The following PRKAR1A variants were observed in gnomAD, a reference collection of about 807,000 sequenced individuals.
PRKAR1A encodes protein kinase cAMP-dependent type I regulatory subunit alpha.
Under a neutral mutation model 52.0 loss-of-function variants are expected in PRKAR1A, and 3 were observed. The observed-to-expected ratio is 0.06, with a 90% CI of 0.03 to 0.15. The LOEUF is 0.15. Among genes scored for constraint, PRKAR1A ranks in the 10% least tolerant of loss-of-function variants. The pLI is 1.00. For missense variants in PRKAR1A, 240 were observed against 477.4 expected, an observed-to-expected ratio of 0.50 and a Z score of 4.63; for synonymous variants, 188 against 168.4, an observed-to-expected ratio of 1.12 and a Z score of -0.90.
chr17:68,439,778 C>T, the PRKAR1A span, among the ~76,000 whole-genome samples: 1 of 152,142 alleles, frequency 6.6e-6, no homozygotes, highest in Non-Finnish European at 1.5e-5. Flanking sequence ...CTCTTTCAGG[C>T]CTGTTTCCTG....
intron 8 of PRKAR1A, chr17:68,528,656 G>C (rs1366392944): frequency 1.7e-6 from 1 of 600,056 alleles, no homozygotes; most frequent in African/African-American, 1.9e-5. Flanking sequence ...CTAGCCACTG[G>C]GCTACCGAAG....
At chr17:68,418,056 GC>G in the PRKAR1A span, among the ~76,000 whole-genome samples, 11 of 151,976 alleles carry the variant, frequency 7.2e-5, no homozygotes, top group Non-Finnish European at 1.5e-4. Flanking sequence ...AGTTTGTTCA[GC>G]TTTTTACTTG....
At chr17:68,450,842 C>T in the PRKAR1A span, 39 of 1,614,050 alleles carry the variant, frequency 2.4e-5, no homozygotes, top group African/African-American at 1.1e-4. Flanking sequence ...GACTGACTAC[C>T]ACCACCAGGC....
the PRKAR1A span, chr17:68,451,030 T>C: frequency 1.6e-6 from 2 of 1,258,308 alleles, no homozygotes; most frequent in Non-Finnish European, 1.1e-6. Context: ...GCGCCCTCTC[T>C]GAGCTTGCAT....
the PRKAR1A span, among the ~76,000 whole-genome samples, chr17:68,443,565 T>C: frequency 1.1e-3 from 149 of 139,772 alleles, 4 homozygotes; most frequent in South Asian, 0.032. Flanking sequence ...TTCACAAACA[T>C]TACCTTGTTT....
chr17:68,526,404 TAGTC>T (rs901874260), intron 7 of PRKAR1A, among the ~76,000 whole-genome samples: 20 of 152,368 alleles, frequency 1.3e-4, no homozygotes, highest in African/African-American at 4.3e-4. Context: ...TTTCTGGTGA[TAGTC>T]AGATTTTTTG....
chr17:68,451,029 CTGAGCT>C, the PRKAR1A span: 1 of 1,288,418 alleles, frequency 7.8e-7, no homozygotes, highest in Non-Finnish European at 1.0e-6. Context: ...GGCGCCCTCT[CTGAGCT>C]TGCATTGACA....
the PRKAR1A span, among the ~76,000 whole-genome samples, chr17:68,475,233 T>G: frequency 1.3e-5 from 2 of 152,214 alleles, no homozygotes; most frequent in African/African-American, 2.4e-5. Flanking sequence ...AATATTATAC[T>G]TGTTGTGGAA....
chr17:68,471,955 C>T, the PRKAR1A span, among the ~76,000 whole-genome samples: 602 of 152,286 alleles, frequency 4.0e-3, 8 homozygotes, highest in African/African-American at 0.014. Context: ...CACCCGCCAC[C>T]ACGCCTGGCT....
At chr17:68,424,285 C>T in the PRKAR1A span, among the ~76,000 whole-genome samples, 390 of 152,294 alleles carry the variant, frequency 2.6e-3, 2 homozygotes, top group African/African-American at 8.9e-3. Flanking sequence ...TAAAAGCTCA[C>T]GCTGCGACCG....
the PRKAR1A span, chr17:68,433,412 G>A: frequency 6.8e-7 from 1 of 1,470,322 alleles, no homozygotes; most frequent in Admixed American, 1.7e-5. Flanking sequence ...CAGTAGAAGA[G>A]CCTAGGCCTG....
downstream of PRKAR1A, chr17:68,537,488 A>C (rs149451535): frequency 3.7e-6 from 6 of 1,614,056 alleles, no homozygotes; most frequent in Admixed American, 1.7e-5. This position sits in a 1 kb window ranked among gnomAD's most constrained non-coding sequence, Gnocchi z 4.2. Flanking sequence ...TAGCTTGTCA[A>C]GTTAGCCTGG....
At chr17:68,422,155 C>A in the PRKAR1A span, 1 of 232,406 alleles carries the variant, frequency 4.3e-6, no homozygotes, top group Non-Finnish European at 8.8e-6. Context: ...AGGCTGGGCG[C>A]GGTGGCTCAC....
chr17:68,487,675 C>T, the PRKAR1A span, among the ~76,000 whole-genome samples: 1 of 151,884 alleles, frequency 6.6e-6, no homozygotes, highest in Non-Finnish European at 1.5e-5. Context: ...GTGGTGGGCA[C>T]CTGTAATCCC....
chr17:68,546,727 G>C (rs1476776672), intron 11 of PRKAR1A, among the ~76,000 whole-genome samples: 2 of 151,842 alleles, frequency 1.3e-5, no homozygotes, highest in Non-Finnish European at 1.5e-5. Flanking sequence ...CCACTCGGGA[G>C]GCTGAGGCAG....
intron 2 of PRKAR1A, among the ~76,000 whole-genome samples, chr17:68,522,087 T>A (rs1220492711): frequency 6.6e-6 from 1 of 152,368 alleles, no homozygotes; most frequent in East Asian, 1.9e-4. Flanking sequence ...CTGGGAGAAG[T>A]ATTATAGATA....
the PRKAR1A span, chr17:68,436,538 G>C: frequency 6.6e-7 from 1 of 1,522,418 alleles, no homozygotes. Context: ...TTGCACGGCT[G>C]GAGAGGGCAT....
rs561158629 is a variant in PRKAR1A at position 68,515,423 on chromosome 17, C to T, written c.24C>T (p.Ala8=). The change falls in exon 2 of 11, where the codon GCC becomes GCT. Residue 8 remains alanine, a synonymous_variant. Coordinates refer to ENST00000589228, the MANE Select transcript of PRKAR1A (RefSeq NM_002734.5). ...CCATGGAGTCTGGCAGTACCGCCGCCAGTGAGGAGGCACGCAGCCTTCGAG... is the reference window on the plus strand; with the variant it reads ...CCATGGAGTCTGGCAGTACCGCCGCTAGTGAGGAGGCACGCAGCCTTCGAG... The part of the protein sequence containing the change: MESGSTA[A]SEEARSLREC... 1.1e-5 allele frequency: 18 copies of T among 1,613,444 alleles called. No homozygotes were observed. In the South Asian group the frequency reaches 2.0e-4, roughly 18 times the overall value.
At chr17:68,449,326 G>A in the PRKAR1A span, among the ~76,000 whole-genome samples, 32 of 152,328 alleles carry the variant, frequency 2.1e-4, no homozygotes, top group South Asian at 8.3e-4. Context: ...CACCAGCACA[G>A]TGCCTGCCTT....
Sources: gnomAD v4.1 joint callset for allele counts (sites outside exome capture counted in the v4.1 genomes callset) on GRCh38, gnomAD v4.1.1 for gene constraint, Gnocchi (gnomAD v3.1) non-coding constraint, MANE v1.5 for transcripts, NCBI Gene and HGNC (gene_info 2026-07-23, HGNC 2026-07-21) for gene names.